ATP7B: variants seen among roughly 807,000 people sequenced by gnomAD.
ATP7B encodes ATPase copper transporting beta.
Under a neutral mutation model 118.9 loss-of-function variants are expected in ATP7B, and 113 were observed. The observed-to-expected ratio is 0.95, with a 90% CI of 0.82 to 1.11. The LOEUF (loss-of-function observed/expected upper bound fraction) is 1.11, where lower values mean the gene tolerates loss of function less well. Among genes scored for constraint, ATP7B ranks in the 50% most tolerant of loss-of-function variants. ATP7B has a pLI of 0.00. For missense variants in ATP7B, 1,867 were observed against 1,871.4 expected, an observed-to-expected ratio of 1.00 and a Z score of 0.04; for synonymous variants, 777 against 727.4, an observed-to-expected ratio of 1.07 and a Z score of -1.10.
intron 9 of ATP7B, among the ~76,000 whole-genome samples, chr13:51,955,460 T>A (rs980386245): frequency 1.3e-5 from 2 of 152,170 alleles, no homozygotes; most frequent in Admixed American, 6.5e-5. Context: ...TAATGTCCTG[T>A]CATGTTGCAT....
chr13:52,011,163 G>A (rs974282328), intron 1 of ATP7B, 124 bp downstream of exon 1: 4 of 1,394,018 alleles, frequency 2.9e-6, no homozygotes, highest in Non-Finnish European at 4.1e-6. Context: ...GACATCCCTG[G>A]AGCTGGGGTC....
At position 52,011,315 on chromosome 13, in the gene ATP7B, A is replaced by G. The variant is rs1246224304; in HGVS notation, c.23T>C (p.Ile8Thr). 6.2e-7 allele frequency: 1 copy of G among 1,614,076 alleles called. No homozygotes were observed. The change falls in exon 1 of 21, where the codon ATC (isoleucine) becomes ACC (threonine). Residue 8 changes from isoleucine to threonine, a missense_variant. Ile to Thr is a moderately conservative substitution (Grantham distance 89, BLOSUM62 -1). Coordinates refer to ENST00000242839, the MANE Select transcript of ATP7B (RefSeq NM_000053.4). ...CCGACTGGCCCCTTCTCTGGCTGTGATCTGTCTCTCCTGCTCAGGCATCGT... is the reference window on the plus strand; with the variant it reads ...CCGACTGGCCCCTTCTCTGGCTGTGGTCTGTCTCTCCTGCTCAGGCATCGT... MPEQERQITAREGASRKI... is the reference protein window; with the variant it reads MPEQERQTTAREGASRKI...
At chr13:51,935,524 G>T in intron 20 of ATP7B, 69 bp downstream of exon 20, 2 of 1,472,158 alleles carry the variant, frequency 1.4e-6, no homozygotes, top group Non-Finnish European at 1.9e-6. Context: ...AAGTTCCACT[G>T]TGCTAAGCAT....
At chr13:51,976,867 G>T (rs1381924059) in intron 1 of ATP7B, among the ~76,000 whole-genome samples, 1 of 152,208 alleles carries the variant, frequency 6.6e-6, no homozygotes, top group Non-Finnish European at 1.5e-5. Context: ...GAGCTTGCAG[G>T]ACTGGAAGTT....
chr13:51,950,271 C>G lies in ATP7B; in HGVS notation c.2575+1G>C, dbSNP rs766149114. On this transcript the variant is annotated splice_donor_variant, in intron 10 of 20. Transcript: ENST00000242839. LOFTEE classifies it high-confidence loss of function. ...AGGGAACATGAAACAAGCCATCTCA[C>G]CTGTGATGAGGGACTCATCAGCCAT... is the stretch of plus-strand genomic sequence containing the variant. The G allele has an allele frequency of 1.4e-5, 23 of 1,614,054 alleles. No homozygotes were observed. The highest frequency in any genetic ancestry group is 1.7e-5 in the Non-Finnish European group (20 of 1,180,028).
chr13:51,972,913 C>G (rs986643775), intron 2 of ATP7B, among the ~76,000 whole-genome samples: 2 of 152,078 alleles, frequency 1.3e-5, no homozygotes, highest in African/African-American at 4.8e-5. Context: ...GGCTGAGGTG[C>G]GAGGATCACC....
intron 1 of ATP7B, among the ~76,000 whole-genome samples, chr13:51,994,369 AC>A (rs1285675728): frequency 6.6e-6 from 1 of 152,208 alleles, no homozygotes; most frequent in East Asian, 1.9e-4. Context: ...TGTAGAAGCT[AC>A]CCAAACGGGC....
At chr13:51,986,445 T>A (rs950793760) in intron 1 of ATP7B, among the ~76,000 whole-genome samples, 1 of 151,986 alleles carries the variant, frequency 6.6e-6, no homozygotes, top group African/African-American at 2.4e-5. Flanking sequence ...TCAAAAAAAG[T>A]CTAGGATCAG....
intron 5 of ATP7B, among the ~76,000 whole-genome samples, chr13:51,963,738 A>G (rs1333214899): frequency 7.3e-6 from 1 of 136,822 alleles, no homozygotes. Flanking sequence ...CCACGTCTCA[A>G]AAAAAAAAAA....
At position 51,946,302 on chromosome 13, in the gene ATP7B, G is replaced by C; in HGVS notation, c.3042C>G (p.Pro1014=). 1 of 1,594,740 alleles carries C rather than the reference G, an allele frequency of 6.3e-7. No homozygotes were observed. Among genetic ancestry groups the C allele is most frequent in the Non-Finnish European group, 8.5e-7 (1 of 1,170,976 alleles). Residue 1014 remains proline (P), a synonymous_variant, in exon 13 of 21, where the codon CCC becomes CCG. Transcript: ENST00000242839. ...GGCTGACCTTGTGCGCCATCTCCAG[G>C]GGCTTGCCTCCCTTGATGAGGATGC... is the stretch of plus-strand genomic sequence containing the variant. ...QNGILIKGGK[P]LEMAHKIKTV... is the part of the protein sequence containing the mutation.
chr13:51,986,089 C>T (rs1593827979), intron 1 of ATP7B, among the ~76,000 whole-genome samples: 1 of 152,066 alleles, frequency 6.6e-6, no homozygotes, highest in African/African-American at 2.4e-5. Context: ...GAGATAGACA[C>T]ATGAAAAACC....
intron 1 of ATP7B, among the ~76,000 whole-genome samples, chr13:51,977,998 C>T (rs187210474): frequency 6.6e-6 from 1 of 152,242 alleles, no homozygotes; most frequent in African/African-American, 2.4e-5. Context: ...TCAGGCAGAT[C>T]AAAGATTAAC....
chr13:52,003,329 G>A (rs1013537694), intron 1 of ATP7B, among the ~76,000 whole-genome samples: 4 of 152,134 alleles, frequency 2.6e-5, no homozygotes, highest in African/African-American at 7.2e-5. Flanking sequence ...TGTGTCTTAG[G>A]AAATAGGGAG....
chr13:51,973,907 C>T, intron 2 of ATP7B, 28 bp downstream of exon 2: 5 of 1,614,148 alleles, frequency 3.1e-6, no homozygotes, highest in Non-Finnish European at 4.2e-6. Context: ...GAGACAAGCT[C>T]AGGACATGCC....
intron 9 of ATP7B, among the ~76,000 whole-genome samples, chr13:51,955,041 C>T (rs888371626): frequency 2.0e-5 from 3 of 152,184 alleles, no homozygotes; most frequent in African/African-American, 7.2e-5. Flanking sequence ...CACCTAGAAA[C>T]GCTGCCAGCA....
rs865803089 is a variant in ATP7B at position 51,941,144 on chromosome 13, C to T, written c.3493G>A (p.Val1165Ile). 1.9e-6 allele frequency: 3 copies of T among 1,614,050 alleles called. No individual in the cohort carries two copies. In the Admixed American group the frequency reaches 5.0e-5, roughly 27 times the overall value. Reference sequence around the variant, plus strand: ...TCGTGGTCTGTCATAGCGTCACTGACATCGCTAGAAATGGTTAAACCGTTG... The same window carrying T: ...TCGTGGTCTGTCATAGCGTCACTGATATCGCTAGAAATGGTTAAACCGTTG... ...RRNGLTISSD[V>I]SDAMTDHEMK... Residue 1165 changes from valine (V) to isoleucine (I), a missense_variant, in exon 16 of 21, where the codon GTC (valine) becomes ATC (isoleucine). Val to Ile is a conservative substitution (Grantham distance 29). Coordinates refer to ENST00000242839, the MANE Select transcript of ATP7B (RefSeq NM_000053.4).
intron 1 of ATP7B, among the ~76,000 whole-genome samples, chr13:51,989,670 G>C (rs535808998): frequency 6.6e-6 from 1 of 152,218 alleles, no homozygotes; most frequent in East Asian, 1.9e-4. Context: ...TCGTCTCCAA[G>C]GAGCACTTCA....
chr13:51,955,296 T>C (rs1958265579), intron 9 of ATP7B, among the ~76,000 whole-genome samples: 1 of 152,148 alleles, frequency 6.6e-6, no homozygotes, highest in Non-Finnish European at 1.5e-5. Flanking sequence ...AGGGGAGGCC[T>C]AGACTGCGGC....
At chr13:51,938,935 A>G (rs1957141459) in intron 17 of ATP7B, 116 bp downstream of exon 17, 7 of 1,518,450 alleles carry the variant, frequency 4.6e-6, no homozygotes, top group Middle Eastern at 1.9e-4. Context: ...AGAGAAAAGC[A>G]TCCAGCAAGG....
Sources: allele counts gnomAD v4.1 joint callset (sites outside exome capture counted in the v4.1 genomes callset), GRCh38; gene constraint gnomAD v4.1.1; transcripts MANE v1.5; gene names NCBI Gene and HGNC (gene_info 2026-07-23, HGNC 2026-07-21).